Variants in KDM2A observed in about 807,000 individuals in gnomAD.
KDM2A encodes lysine-specific demethylase 2A.
KDM2A carries 3 observed loss-of-function variants against 137.3 expected under a neutral mutation model. The observed-to-expected ratio is 0.02, with a 90% CI of 0.01 to 0.06. The LOEUF is 0.06. KDM2A is among the 10% of genes least tolerant of loss of function. The pLI is 1.00. For missense variants in KDM2A, 738 were observed against 1,510.6 expected (o/e 0.49, Z 8.48); for synonymous variants, 512 against 541.5 (o/e 0.95, Z 0.76).
intron 5 of KDM2A, among the ~76,000 whole-genome samples, chr11:67,184,842 CAA>C (rs1857168737): frequency 6.6e-6 from 1 of 152,004 alleles, no homozygotes; most frequent in South Asian, 2.1e-4. Flanking sequence ...AAAAACAAAA[CAA>C]AAACAAAACA....
chr11:67,123,275 C>CTTT lies in KDM2A; in HGVS notation c.42+1941_42+1943dup, dbSNP rs575165830. ...AACAAGCGTGAGCCACAGTACCTGGCTTTTTTTTTTTTTTTTTTTTTTTTT... is the reference window on the plus strand; with the variant it reads ...AACAAGCGTGAGCCACAGTACCTGGCTTTTTTTTTTTTTTTTTTTTTTTTTTTT... On this transcript the variant is annotated intron_variant, in intron 2 of 20. Transcript: ENST00000529006. Among the ~76,000 whole-genome samples, 25 of 71,492 alleles carry CTTT rather than the reference C, an allele frequency of 3.5e-4. 2 individuals carry two copies. The highest frequency in any genetic ancestry group is 4.6e-4 in the Non-Finnish European group (17 of 36,722). The allele number at this position is 71,492 out of a possible 152,430, so 46.9% of individuals were successfully genotyped here. A position where few individuals can be genotyped will look rare whatever the true frequency, so the allele number is the denominator to read the frequency against.
intron 1 of KDM2A, among the ~76,000 whole-genome samples, chr11:67,120,475 C>T (rs1249499487): frequency 2.0e-5 from 3 of 152,224 alleles, no homozygotes; most frequent in Non-Finnish European, 4.4e-5. Flanking sequence ...CTTGGTATTA[C>T]GGATTGACCG....
intron 2 of KDM2A, among the ~76,000 whole-genome samples, chr11:67,161,509 C>T (rs374837135): frequency 8.5e-5 from 13 of 152,216 alleles, no homozygotes; most frequent in South Asian, 2.1e-4. Flanking sequence ...TATATTACTA[C>T]GTATTACTAT....
intron 2 of KDM2A, among the ~76,000 whole-genome samples, chr11:67,166,750 C>T (rs551011461): frequency 6.6e-6 from 1 of 152,074 alleles, no homozygotes; most frequent in South Asian, 2.1e-4. Context: ...GAAGGGAGTA[C>T]ACTGGTTCAG....
intron 6 of KDM2A, among the ~76,000 whole-genome samples, chr11:67,209,434 T>TATG (rs907164149): frequency 1.1e-4 from 17 of 149,964 alleles, no homozygotes; most frequent in Non-Finnish European, 2.4e-4. Context: ...AATTTTATTT[T>TATG]ATTATTATTA....
At chr11:67,143,613 T>G (rs74332695) in intron 2 of KDM2A, among the ~76,000 whole-genome samples, 2,955 of 152,014 alleles carry the variant, frequency 0.019, 41 homozygotes, top group East Asian at 0.047. Flanking sequence ...CTGTCTGTCT[T>G]TCTCTTTTTA....
Position 67,245,547 on chromosome 11 carries a change from C to G in KDM2A, c.1833+89C>G. The stretch of plus-strand genomic sequence containing the variant: ...ATATAGTGTAGAGTTAAAGAGACTT[C>G]AGAGTTGGAAAGAAAAGGTTTATAC... On this transcript the variant is annotated intron_variant, in intron 14 of 20. Coordinates refer to ENST00000529006, the MANE Select transcript of KDM2A (RefSeq NM_012308.3). This position sits in a 1 kb window ranked among gnomAD's most constrained non-coding sequence, Gnocchi z 4.1. 1 of 1,423,544 alleles carries G rather than the reference C, an allele frequency of 7.0e-7. No individual in the cohort carries two copies. Among genetic ancestry groups the G allele is most frequent in the Admixed American group, 2.1e-5 (1 of 46,814 alleles). 88.2% of individuals were successfully genotyped at this position (1,423,544 alleles called of 1,614,324 possible). A position where few individuals can be genotyped will look rare whatever the true frequency, so the allele number is the denominator to read the frequency against.
At chr11:67,228,252 T>C (rs35247976) in intron 11 of KDM2A, 89 bp downstream of exon 11, 67,454 of 1,398,876 alleles carry the variant, frequency 0.048, 2,262 homozygotes, top group African/African-American at 0.15. Flanking sequence ...ACTCAATATG[T>C]TCTTGGTTTT....
chr11:67,185,050 G>C (rs773900159), intron 5 of KDM2A, among the ~76,000 whole-genome samples: 3 of 152,102 alleles, frequency 2.0e-5, no homozygotes, highest in Non-Finnish European at 2.9e-5. Context: ...GGATCTAATA[G>C]ACAAAGATTT....
At chr11:67,169,450 G>A (rs960523582) in intron 2 of KDM2A, among the ~76,000 whole-genome samples, 2 of 149,680 alleles carry the variant, frequency 1.3e-5, no homozygotes. Flanking sequence ...CACCATCTCG[G>A]CTCACTGCAA....
rs1858461725 is a variant in KDM2A at position 67,224,332 on chromosome 11, T to G, written c.958-3705T>G. On this transcript the variant is annotated intron_variant, in intron 10 of 20. Transcript: ENST00000529006. The stretch of plus-strand genomic sequence containing the variant: ...TAAAAGAAAGCTGTATGGCCAGATA[T>G]GGTGGTTCATGCCTATAATCCCAAG... 2.0e-5 allele frequency among the ~76,000 whole-genome samples: 3 copies of G among 152,164 alleles called. No individual in the cohort carries two copies. The South Asian group carries it at 6.2e-4, about 32-fold the overall frequency.
Position 67,250,031 on chromosome 11 carries a change from A to G in KDM2A, c.2056-55A>G. On this transcript the variant is annotated intron_variant, in intron 16 of 20. Transcript: ENST00000529006. This position sits in a 1 kb window ranked among gnomAD's most constrained non-coding sequence, Gnocchi z 7.1. Reference sequence around the variant, plus strand: ...CAAGGGAGGTCCACCCTGTCGGTTCAGAGGGTTTGGAAGAAAGGAAGCACT... The same window carrying G: ...CAAGGGAGGTCCACCCTGTCGGTTCGGAGGGTTTGGAAGAAAGGAAGCACT... 6.9e-7 allele frequency: 1 copy of G among 1,442,538 alleles called. No homozygotes were observed. The highest frequency in any genetic ancestry group is 9.4e-7 in the Non-Finnish European group (1 of 1,064,556). The allele number at this position is 1,442,538 out of a possible 1,614,324, so 89.4% of individuals were successfully genotyped here.
intron 10 of KDM2A, among the ~76,000 whole-genome samples, chr11:67,222,778 G>A (rs1858401736): frequency 2.0e-5 from 3 of 149,074 alleles, no homozygotes; most frequent in Non-Finnish European, 4.4e-5. Context: ...TCTTACACCT[G>A]GGTCTTATAC....
intron 5 of KDM2A, among the ~76,000 whole-genome samples, chr11:67,185,742 G>A (rs1857187681): frequency 6.6e-6 from 1 of 151,990 alleles, no homozygotes; most frequent in African/African-American, 2.4e-5. Context: ...AGGCTACAGG[G>A]ACTCCACTCT....
At position 67,235,549 on chromosome 11, in the gene KDM2A, C is replaced by T. The variant is rs538882301; in HGVS notation, c.1479+3589C>T. ...AACTCCTGACCTCAGATGATCCACC[C>T]GCCTCTGCCTCCCAAAGTGCTGGAA... On this transcript the variant is annotated intron_variant, in intron 12 of 20. Coordinates refer to ENST00000529006, the MANE Select transcript of KDM2A (RefSeq NM_012308.3). Among the ~76,000 whole-genome samples the T allele has an allele frequency of 5.3e-5, 8 of 151,944 alleles. No individual in the cohort carries two copies. In the South Asian group the frequency reaches 6.3e-4, roughly 12 times the overall value.
intron 4 of KDM2A, 133 bp downstream of exon 4, chr11:67,181,531 A>T: frequency 1.6e-6 from 1 of 631,382 alleles, no homozygotes; most frequent in South Asian, 2.3e-5. Context: ...TTAAAAGTAT[A>T]TGCTTTTCTT....
At chr11:67,251,184 G>A (rs1643856355) in intron 17 of KDM2A, among the ~76,000 whole-genome samples, 1 of 152,126 alleles carries the variant, frequency 6.6e-6, no homozygotes, top group Non-Finnish European at 1.5e-5. Flanking sequence ...CACTCTTCTG[G>A]TGCTGATAAC....
At chr11:67,173,592 T>C (rs1350779816) in intron 2 of KDM2A, among the ~76,000 whole-genome samples, 2 of 152,188 alleles carry the variant, frequency 1.3e-5, no homozygotes, top group Admixed American at 6.5e-5. Context: ...GGTTTTGCCA[T>C]GAACCAGGCT....
At chr11:67,194,599 A>G (rs1284364675) in intron 5 of KDM2A, among the ~76,000 whole-genome samples, 2 of 152,234 alleles carry the variant, frequency 1.3e-5, no homozygotes, top group Non-Finnish European at 2.9e-5. Flanking sequence ...TGTGCATTAC[A>G]TAGGCACCCA....
Sources: allele counts gnomAD v4.1 joint callset (sites outside exome capture counted in the v4.1 genomes callset), GRCh38; gene constraint gnomAD v4.1.1; non-coding constraint Gnocchi (gnomAD v3.1); transcripts MANE v1.5; gene names NCBI Gene and HGNC (gene_info 2026-07-23, HGNC 2026-07-21).